Variants in HTR4 observed in about 807,000 individuals in gnomAD.
The protein encoded by HTR4 is 5-hydroxytryptamine (serotonin) receptor 4, G protein-coupled.
HTR4 carries 16 observed loss-of-function variants against 36.8 expected under a neutral mutation model. That is an observed-to-expected ratio of 0.43 (90% CI 0.29 to 0.66). The LOEUF (loss-of-function observed/expected upper bound fraction) is 0.66, where lower values mean the gene tolerates loss of function less well. Among genes scored for constraint, HTR4 ranks in the 30% least tolerant of loss-of-function variants. The pLI, the probability that HTR4 is intolerant of heterozygous loss-of-function variation, is 0.13. For missense variants in HTR4, 438 were observed against 490.9 expected, an observed-to-expected ratio of 0.89 and a Z score of 1.02; for synonymous variants, 189 against 185.1, an observed-to-expected ratio of 1.02 and a Z score of -0.17.
chr5:148,613,215 G>A (rs1395608600), intron 2 of HTR4, among the ~76,000 whole-genome samples: 1 of 150,486 alleles, frequency 6.6e-6, no homozygotes, highest in Non-Finnish European at 1.5e-5. Flanking sequence ...AAGCCGGGCA[G>A]AGACACAACC....
At chr5:148,574,281 G>C (rs1760796740) in intron 2 of HTR4, among the ~76,000 whole-genome samples, 1 of 151,956 alleles carries the variant, frequency 6.6e-6, no homozygotes, top group South Asian at 2.1e-4. Context: ...CAAATGGTTG[G>C]GTGAGAAAAT....
At chr5:148,487,185 G>A (rs1756204173) in intron 6 of HTR4, among the ~76,000 whole-genome samples, 2 of 152,204 alleles carry the variant, frequency 1.3e-5, no homozygotes, top group South Asian at 4.1e-4. Flanking sequence ...GAAGAGGAAA[G>A]TGTAATGTAG....
intron 2 of HTR4, among the ~76,000 whole-genome samples, chr5:148,587,197 C>T (rs1272649698): frequency 6.6e-6 from 1 of 152,074 alleles, no homozygotes; most frequent in African/African-American, 2.4e-5. Flanking sequence ...AGTAAATGAC[C>T]CAGGGCTAAT....
At chr5:148,451,575 T>A (rs569040545) in intron 5 of HTR4, among the ~76,000 whole-genome samples, 1 of 152,000 alleles carries the variant, frequency 6.6e-6, no homozygotes, top group Admixed American at 6.6e-5. Flanking sequence ...AAGCCTGGGG[T>A]TCTTGTGTCA....
chr5:148,551,833 G>C (rs1561614643), intron 2 of HTR4, among the ~76,000 whole-genome samples: 1 of 152,164 alleles, frequency 6.6e-6, no homozygotes, highest in Non-Finnish European at 1.5e-5. Context: ...GTCCTGGGCT[G>C]CCTGTGCCCC....
At chr5:148,491,294 G>A (rs942742490) in intron 6 of HTR4, among the ~76,000 whole-genome samples, 24 of 152,142 alleles carry the variant, frequency 1.6e-4, no homozygotes, top group African/African-American at 5.8e-4. Flanking sequence ...CCTAGAAACC[G>A]TATCAGTCGC....
At chr5:148,586,505 C>T (rs905975092) in intron 2 of HTR4, among the ~76,000 whole-genome samples, 2 of 151,970 alleles carry the variant, frequency 1.3e-5, no homozygotes, top group African/African-American at 2.4e-5. Flanking sequence ...AGAGAGAGAG[C>T]GAAGGGGAAA....
chr5:148,545,981 C>G (rs1174630155), intron 4 of HTR4, among the ~76,000 whole-genome samples: 1 of 152,062 alleles, frequency 6.6e-6, no homozygotes, highest in Non-Finnish European at 1.5e-5. Context: ...GTGATTTCTT[C>G]AAGAAATGAT....
At chr5:148,520,881 C>T (rs1227977798) in intron 5 of HTR4, 8 of 1,367,470 alleles carry the variant, frequency 5.9e-6, no homozygotes, top group South Asian at 1.1e-5. Flanking sequence ...CTGCCTCCGG[C>T]ATTTCTTTCA....
In HTR4 at chr5:148,627,141, C is replaced by A. The variant is rs370581607; in HGVS notation, c.26+9848G>T. Among the ~76,000 whole-genome samples the A allele has an allele frequency of 5.3e-5, 8 of 152,262 alleles. No homozygotes were observed. In the East Asian group the frequency reaches 1.3e-3, roughly 26 times the overall value. ...CCTGCCTCCCCTGGACTACTGTCACCGTTTCCTCAGGCCCCTCCTCTTGTC... is the reference window on the plus strand; with the variant it reads ...CCTGCCTCCCCTGGACTACTGTCACAGTTTCCTCAGGCCCCTCCTCTTGTC... On this transcript the variant is annotated intron_variant, in intron 2 of 6. Transcript: ENST00000377888.
intron 5 of HTR4, among the ~76,000 whole-genome samples, chr5:148,518,327 CTGTTCAATAA>C (rs1377277554): frequency 1.3e-5 from 2 of 152,088 alleles, no homozygotes; most frequent in African/African-American, 4.8e-5. Flanking sequence ...ATTGTCTATA[CTGTTCAATAA>C]TGTACCCTAA....
At chr5:148,557,101 T>A (rs1321019143) in intron 2 of HTR4, among the ~76,000 whole-genome samples, 1 of 152,068 alleles carries the variant, frequency 6.6e-6, no homozygotes, top group Non-Finnish European at 1.5e-5. Flanking sequence ...TTTTTTGTGC[T>A]CTAGGGAGAA....
At chr5:148,647,721 T>G (rs902408236) in intron 1 of HTR4, among the ~76,000 whole-genome samples, 2 of 152,188 alleles carry the variant, frequency 1.3e-5, no homozygotes, top group South Asian at 2.1e-4. Flanking sequence ...TGGTGTTGCA[T>G]GCCTGTAGTC....
At chr5:148,613,466 G>C (rs923122894) in intron 2 of HTR4, among the ~76,000 whole-genome samples, 1 of 152,034 alleles carries the variant, frequency 6.6e-6, no homozygotes, top group Non-Finnish European at 1.5e-5. Flanking sequence ...AAAGGCCTTT[G>C]ACAAAATTCA....
chr5:148,455,424 C>CT (rs1287964620), intron 5 of HTR4, among the ~76,000 whole-genome samples: 22 of 152,328 alleles, frequency 1.4e-4, no homozygotes, highest in Admixed American at 1.3e-3. Flanking sequence ...CAGGCAACCT[C>CT]TACAGCAGCC....
chr5:148,509,158 G>C (rs1386040348), intron 6 of HTR4, among the ~76,000 whole-genome samples: 2 of 152,170 alleles, frequency 1.3e-5, no homozygotes, highest in Non-Finnish European at 2.9e-5. Flanking sequence ...CTGTGATGTA[G>C]ATATAGTGAT....
At chr5:148,533,649 T>C (rs1310927826) in intron 4 of HTR4, among the ~76,000 whole-genome samples, 1 of 152,198 alleles carries the variant, frequency 6.6e-6, no homozygotes, top group African/African-American at 2.4e-5. Context: ...ATAGTAGCAG[T>C]CAACTTTACG....
chr5:148,517,763 C>T (rs539632827), intron 5 of HTR4, among the ~76,000 whole-genome samples: 1 of 152,260 alleles, frequency 6.6e-6, no homozygotes, highest in Non-Finnish European at 1.5e-5. Context: ...TCAATAGACT[C>T]CCTTACAGTC....
At chr5:148,586,914 T>C (rs1761368968) in intron 2 of HTR4, among the ~76,000 whole-genome samples, 1 of 152,184 alleles carries the variant, frequency 6.6e-6, no homozygotes, top group Non-Finnish European at 1.5e-5. Flanking sequence ...ATAGGATGCA[T>C]GCCTGAAATT....
Sources: allele counts gnomAD v4.1 joint callset (sites outside exome capture counted in the v4.1 genomes callset), GRCh38; gene constraint gnomAD v4.1.1; transcripts MANE v1.5; gene names NCBI Gene and HGNC (gene_info 2026-07-23, HGNC 2026-07-21).